Variants in SUPT3H observed in about 807,000 individuals in gnomAD.
The protein encoded by SUPT3H is transcription initiation protein SPT3 homolog.
In SUPT3H, 44 loss-of-function variants were observed where a neutral mutation model predicts 44.3. The ratio of observed to expected loss-of-function variants is 0.99; its 90% confidence interval spans 0.78 to 1.28. The LOEUF is 1.28. SUPT3H is among the 50% of genes most tolerant of loss of function. The pLI is 0.00. For missense variants in SUPT3H, 380 were observed against 387.1 expected, an observed-to-expected ratio of 0.98 and a Z score of 0.15; for synonymous variants, 124 against 125.6, an observed-to-expected ratio of 0.99 and a Z score of 0.09.
At chr6:45,086,809 T>C (rs1378226768) in intron 3 of SUPT3H, among the ~76,000 whole-genome samples, 1 of 151,974 alleles carries the variant, frequency 6.6e-6, no homozygotes, top group Admixed American at 6.6e-5. Flanking sequence ...ATGTTGAACG[T>C]AAATCTATTT....
intron 2 of SUPT3H, among the ~76,000 whole-genome samples, chr6:45,119,798 G>A (rs952176497): frequency 6.6e-6 from 1 of 151,968 alleles, no homozygotes; most frequent in Non-Finnish European, 1.5e-5. Flanking sequence ...GTATGCATTT[G>A]GGGCCAAGTA....
At chr6:44,938,373 T>A (rs568830823) in intron 9 of SUPT3H, among the ~76,000 whole-genome samples, 146 of 152,220 alleles carry the variant, frequency 9.6e-4, no homozygotes, top group Middle Eastern at 6.8e-3. Context: ...AGGCAAAGTT[T>A]AGTTGGCTGT....
intron 2 of SUPT3H, among the ~76,000 whole-genome samples, chr6:45,277,883 T>A (rs542055903): frequency 1.3e-5 from 2 of 152,232 alleles, no homozygotes; most frequent in African/African-American, 4.8e-5. Context: ...AAATGTCATT[T>A]CAAAAGAATT....
intron 6 of SUPT3H, among the ~76,000 whole-genome samples, chr6:44,985,205 AAAT>A (rs1562200478): frequency 1.0e-3 from 27 of 26,408 alleles, no homozygotes; most frequent in East Asian, 5.7e-3. Flanking sequence ...ATAAATAAAT[AAAT>A]AAATAAATAA....
chr6:45,060,559 A>G (rs1342355504), intron 3 of SUPT3H, among the ~76,000 whole-genome samples: 2 of 152,142 alleles, frequency 1.3e-5, no homozygotes, highest in Non-Finnish European at 2.9e-5. Context: ...AAAACCACCA[A>G]AAGCAGCTTC....
intron 2 of SUPT3H, among the ~76,000 whole-genome samples, chr6:45,167,930 A>C (rs1562593454): frequency 6.6e-6 from 1 of 151,634 alleles, no homozygotes. Context: ...TCCTGCCTCA[A>C]CCTCCCGAGT....
chr6:45,164,051 T>G (rs1041087411), intron 2 of SUPT3H, among the ~76,000 whole-genome samples: 1 of 152,174 alleles, frequency 6.6e-6, no homozygotes, highest in Non-Finnish European at 1.5e-5. Flanking sequence ...TCTGAGTAGC[T>G]GATACACATA....
intron 2 of SUPT3H, among the ~76,000 whole-genome samples, chr6:45,250,358 A>G (rs1267082040): frequency 6.8e-6 from 1 of 146,086 alleles, no homozygotes; most frequent in Non-Finnish European, 1.6e-5. Flanking sequence ...AAGAAACATT[A>G]AGGCAATAAA....
chr6:44,902,370 G>C (rs551418024), intron 10 of SUPT3H, among the ~76,000 whole-genome samples: 79 of 152,138 alleles, frequency 5.2e-4, no homozygotes, highest in African/African-American at 1.8e-3. Context: ...CAGGATTGCA[G>C]GGGTTGCAAT....
At chr6:45,217,115 A>T (rs977233384) in intron 2 of SUPT3H, among the ~76,000 whole-genome samples, 1 of 152,194 alleles carries the variant, frequency 6.6e-6, no homozygotes, top group Admixed American at 6.5e-5. Flanking sequence ...GTGTTAATGA[A>T]AAATAAAATA....
At chr6:45,048,782 C>T (rs1053761751) in intron 3 of SUPT3H, among the ~76,000 whole-genome samples, 2 of 151,958 alleles carry the variant, frequency 1.3e-5, no homozygotes, top group African/African-American at 2.4e-5. Context: ...GTGAAATAAG[C>T]CAGGCATGGA....
chr6:45,099,197 T>G, intron 3 of SUPT3H: 1 of 250,904 alleles, frequency 4.0e-6, no homozygotes. Flanking sequence ...AACTCCAGGA[T>G]TAATCCACTA....
chr6:45,148,494 C>T (rs1806442315), intron 2 of SUPT3H, among the ~76,000 whole-genome samples: 1 of 152,148 alleles, frequency 6.6e-6, no homozygotes, highest in Non-Finnish European at 1.5e-5. Flanking sequence ...CCATAAGAAA[C>T]ATGAGGTGAC....
At chr6:45,147,376 T>C (rs771717635) in intron 2 of SUPT3H, among the ~76,000 whole-genome samples, 2 of 152,178 alleles carry the variant, frequency 1.3e-5, no homozygotes, top group Non-Finnish European at 2.9e-5. Flanking sequence ...CTACCTTTTC[T>C]TCATTGTTCC....
intron 5 of SUPT3H, among the ~76,000 whole-genome samples, chr6:45,008,239 C>A (rs762618200): frequency 3.9e-5 from 6 of 152,102 alleles, no homozygotes; most frequent in Non-Finnish European, 7.4e-5. Context: ...TCTATGTTTA[C>A]CCTTTTGAGG....
At chr6:45,084,988 G>C (rs1456140425) in intron 3 of SUPT3H, among the ~76,000 whole-genome samples, 1 of 151,928 alleles carries the variant, frequency 6.6e-6, no homozygotes, top group Non-Finnish European at 1.5e-5. Context: ...GGGGCCAAGG[G>C]TTTAAAACTA....
intron 9 of SUPT3H, among the ~76,000 whole-genome samples, chr6:44,941,946 A>G (rs183441501): frequency 1.2e-4 from 18 of 152,282 alleles, no homozygotes; most frequent in Admixed American, 1.1e-3. Flanking sequence ...AAGTGGAACA[A>G]TATTAATTCT....
chr6:44,949,611 C>CAA (rs34872121), intron 9 of SUPT3H, among the ~76,000 whole-genome samples: 1,572 of 140,116 alleles, frequency 0.011, 22 homozygotes, highest in East Asian at 0.065. Flanking sequence ...CCTTTGCCTG[C>CAA]AAAAAAAAAA....
intron 2 of SUPT3H, among the ~76,000 whole-genome samples, chr6:45,267,569 T>C (rs572785914): frequency 6.6e-6 from 1 of 152,368 alleles, no homozygotes; most frequent in South Asian, 2.1e-4. Flanking sequence ...ATATTCAATT[T>C]CTTAGTGTTA....
Sources: allele counts gnomAD v4.1 joint callset (sites outside exome capture counted in the v4.1 genomes callset), GRCh38; gene constraint gnomAD v4.1.1; transcripts MANE v1.5; gene names NCBI Gene and HGNC (gene_info 2026-07-23, HGNC 2026-07-21).